Variants in DSTN observed in about 807,000 individuals in gnomAD.
DSTN encodes destrin.
DSTN carries 10 observed loss-of-function variants against 16.8 expected under a neutral mutation model. That is an observed-to-expected ratio of 0.60 (90% CI 0.37 to 1.01). The LOEUF is 1.01. DSTN is among the 50% of genes least tolerant of loss of function. The probability of loss-of-function intolerance (pLI) is 0.01; values close to 1 mark genes in which losing one functional copy is unlikely to be tolerated. For synonymous variants in DSTN, 57 were observed against 58.9 expected (o/e 0.97, Z 0.14); for missense variants, 141 against 196.7 (o/e 0.72, Z 1.69).
Position 17,574,875 on chromosome 20 carries a change from T to TTTTG in DSTN, c.3+4667_3+4668insGTTT, listed in dbSNP as rs1555807904. ...TTTTTCTTTTCTTTTCTTTTGTTTT[T>TTTTG]TTTTTTTTTTTTTTTTTGAGACAGA... On this transcript the variant is annotated intron_variant, in intron 1 of 3. Transcript: ENST00000246069. Among the ~76,000 whole-genome samples, 4 of 127,404 alleles carry TTTTG rather than the reference T, an allele frequency of 3.1e-5. No homozygotes were observed. In the East Asian group the frequency reaches 7.1e-4, roughly 23 times the overall value. 83.6% of individuals were successfully genotyped at this position (127,404 alleles called of 152,430 possible).
chr20:17,602,026 TGTGC>T (rs1255133372), intron 2 of DSTN, among the ~76,000 whole-genome samples: 2 of 152,036 alleles, frequency 1.3e-5, no homozygotes, highest in Non-Finnish European at 2.9e-5. Context: ...CTTTTAGCTA[TGTGC>T]CATCAATAGC....
intron 1 of DSTN, among the ~76,000 whole-genome samples, chr20:17,570,591 G>C (rs1341809828): frequency 6.6e-6 from 1 of 152,116 alleles, no homozygotes; most frequent in African/African-American, 2.4e-5. Context: ...TGGGGGGCGG[G>C]GGGCGTCGGA....
intron 1 of DSTN, 136 bp downstream of exon 1, chr20:17,570,347 G>T: frequency 2.4e-6 from 3 of 1,244,736 alleles, no homozygotes; most frequent in Non-Finnish European, 3.1e-6. Flanking sequence ...CAGTGTCCGG[G>T]CTGCGGGTGA....
At chr20:17,587,607 T>C (rs1008652132) in intron 1 of DSTN, among the ~76,000 whole-genome samples, 1 of 152,234 alleles carries the variant, frequency 6.6e-6, no homozygotes, top group Non-Finnish European at 1.5e-5. Context: ...AAACTAGAAT[T>C]GAAGTCTTTA....
chr20:17,585,476 T>C (rs2035395111), intron 1 of DSTN, among the ~76,000 whole-genome samples: 1 of 152,200 alleles, frequency 6.6e-6, no homozygotes, highest in Non-Finnish European at 1.5e-5. Flanking sequence ...TTTTCACATT[T>C]AGCTTACTGT....
At chr20:17,582,318 A>G (rs2035355333) in intron 1 of DSTN, among the ~76,000 whole-genome samples, 1 of 152,098 alleles carries the variant, frequency 6.6e-6, no homozygotes, top group Non-Finnish European at 1.5e-5. Flanking sequence ...TGACCTCATG[A>G]TCTGCCTGCC....
chr20:17,574,766 A>T (rs1196580995), intron 1 of DSTN, among the ~76,000 whole-genome samples: 1 of 150,504 alleles, frequency 6.6e-6, no homozygotes, highest in Non-Finnish European at 1.5e-5. Flanking sequence ...CTAAAAAACA[A>T]ACATGCAAAA....
chr20:17,572,888 T>C (rs2035223382), intron 1 of DSTN, among the ~76,000 whole-genome samples: 3 of 152,212 alleles, frequency 2.0e-5, no homozygotes, highest in Admixed American at 2.0e-4. Flanking sequence ...TTTTATGTTA[T>C]CATTACAGCT....
In DSTN at chr20:17,580,427, T is replaced by C. The variant is rs1186993843; in HGVS notation, c.3+10216T>C. On this transcript the variant is annotated intron_variant, in intron 1 of 3. Transcript: ENST00000246069. The stretch of plus-strand genomic sequence containing the variant: ...CAAGATCATTTCAGCTGGTGATAAG[T>C]AGTATGAAGAAAATAAGGTAATCAA... Among the ~76,000 whole-genome samples the C allele has an allele frequency of 2.0e-5, 3 of 152,040 alleles. No homozygotes were observed. In the East Asian group the frequency reaches 5.8e-4, roughly 29 times the overall value.
intron 1 of DSTN, among the ~76,000 whole-genome samples, chr20:17,590,606 C>T (rs1425032054): frequency 6.6e-6 from 1 of 152,160 alleles, no homozygotes; most frequent in Non-Finnish European, 1.5e-5. Flanking sequence ...TATTTTTGCT[C>T]TCAAGATTTT....
intron 1 of DSTN, among the ~76,000 whole-genome samples, chr20:17,597,101 C>A (rs2035534534): frequency 6.6e-6 from 1 of 152,152 alleles, no homozygotes; most frequent in Admixed American, 6.5e-5. Flanking sequence ...ACATTTTATT[C>A]ATCTGTTGCA....
chr20:17,585,604 G>GT (rs2035396686), intron 1 of DSTN, among the ~76,000 whole-genome samples: 1 of 152,060 alleles, frequency 6.6e-6, no homozygotes, highest in South Asian at 2.1e-4. Context: ...CCTTTCTGCT[G>GT]TAAGTTCTGG....
At chr20:17,599,964 TTAATG>T (rs1343465357) in intron 1 of DSTN, among the ~76,000 whole-genome samples, 1 of 152,214 alleles carries the variant, frequency 6.6e-6, no homozygotes, top group Non-Finnish European at 1.5e-5. Flanking sequence ...TATAATAAAG[TTAATG>T]TAAATAGCAC....
At chr20:17,583,327 G>GT (rs59091209) in intron 1 of DSTN, among the ~76,000 whole-genome samples, 152,285 of 152,286 alleles carry the variant, frequency 1, 76,142 homozygotes, top group Non-Finnish European at 1. Context: ...TGACTCAGCA[G>GT]TTTACTCCTA....
chr20:17,587,534 T>C (rs1005440390), intron 1 of DSTN, among the ~76,000 whole-genome samples: 1 of 152,244 alleles, frequency 6.6e-6, no homozygotes, highest in Non-Finnish European at 1.5e-5. Context: ...AAAGAGTTTA[T>C]CTGAATTTCT....
chr20:17,573,949 C>T (rs1332562321), intron 1 of DSTN, among the ~76,000 whole-genome samples: 1 of 149,060 alleles, frequency 6.7e-6, no homozygotes, highest in Non-Finnish European at 1.5e-5. Context: ...CCTGTCATCC[C>T]AGCACGTTGG....
At chr20:17,601,153 G>T in intron 2 of DSTN, 108 bp downstream of exon 2, 1 of 1,331,634 alleles carries the variant, frequency 7.5e-7, no homozygotes, top group Non-Finnish European at 1.0e-6. Context: ...TGCAGTTGTT[G>T]TCATTTAATT....
chr20:17,574,378 A>G (rs915669865), intron 1 of DSTN, among the ~76,000 whole-genome samples: 1 of 152,198 alleles, frequency 6.6e-6, no homozygotes, highest in African/African-American at 2.4e-5. Flanking sequence ...GGTAGAATGT[A>G]GAGTGACTTA....
chr20:17,573,252 C>T (rs958579983), intron 1 of DSTN, among the ~76,000 whole-genome samples: 6 of 151,826 alleles, frequency 4.0e-5, no homozygotes, highest in Non-Finnish European at 4.4e-5. Context: ...TTAAAACTTA[C>T]GTAAATACTG....
Sources: allele counts gnomAD v4.1 joint callset (sites outside exome capture counted in the v4.1 genomes callset), GRCh38; gene constraint gnomAD v4.1.1; transcripts MANE v1.5; gene names NCBI Gene and HGNC (gene_info 2026-07-23, HGNC 2026-07-21).